The following NEDD4L variants were observed in gnomAD, a reference collection of about 807,000 sequenced individuals.
NEDD4L encodes E3 ubiquitin-protein ligase NEDD4-like.
NEDD4L carries 54 observed loss-of-function variants against 148.9 expected under a neutral mutation model. The ratio of observed to expected loss-of-function variants is 0.36; its 90% CI spans 0.29 to 0.45. NEDD4L has a LOEUF of 0.45. NEDD4L is among the 20% of genes least tolerant of loss of function. The pLI, the probability that NEDD4L is intolerant of heterozygous loss-of-function variation, is 1.00. For synonymous variants in NEDD4L, 433 were observed against 440.7 expected (o/e 0.98, Z 0.22); for missense variants, 856 against 1,233.8 (o/e 0.69, Z 4.59).
intron 5 of NEDD4L, among the ~76,000 whole-genome samples, chr18:58,307,499 G>T (rs953203227): frequency 1.3e-5 from 2 of 152,204 alleles, no homozygotes; most frequent in Non-Finnish European, 2.9e-5. Flanking sequence ...GCTGTTTAAT[G>T]GAGAGTTTAT....
rs146226299 is a variant in NEDD4L, at chr18:58,243,125, T to C, written c.123-2302T>C. ...TGAACCACCAGTGGAAGAATGTGGA[T>C]GTTCTATTACAGGAAATGCTTAGCT... On this transcript the variant is annotated intron_variant, in intron 2 of 30. Coordinates refer to ENST00000400345, the MANE Select transcript of NEDD4L (RefSeq NM_001144967.3). 4.5e-3 allele frequency among the ~76,000 whole-genome samples: 687 copies of C among 152,338 alleles called. 2 individuals are homozygous for C. Among genetic ancestry groups the C allele is most frequent in the African/African-American group, 0.014 (599 of 41,568 alleles).
At position 58,297,701 on chromosome 18, in the gene NEDD4L, C is replaced by T. The variant is rs75085131; in HGVS notation, c.298-18281C>T. ...GCAGATGTGATTAAATGAAGGGTCC[C>T]GGTATGGGGGGTTGTCCTGGATGAG... is the stretch of plus-strand genomic sequence containing the variant. On this transcript the variant is annotated intron_variant, in intron 5 of 30. Coordinates refer to ENST00000400345, the MANE Select transcript of NEDD4L (RefSeq NM_001144967.3). Among the ~76,000 whole-genome samples the T allele has an allele frequency of 7.4e-3, 1,129 of 152,202 alleles. 18 individuals carry two copies. The highest frequency in any genetic ancestry group is 0.026 in the African/African-American group (1,075 of 41,524).
At chr18:58,111,971 A>T (rs2085449040) in intron 1 of NEDD4L, among the ~76,000 whole-genome samples, 1 of 152,200 alleles carries the variant, frequency 6.6e-6, no homozygotes, top group Admixed American at 6.5e-5. Context: ...AGTGATAGCC[A>T]TCCTACTGGG....
chr18:58,176,272 C>T (rs1224993093), intron 2 of NEDD4L, among the ~76,000 whole-genome samples: 1 of 152,038 alleles, frequency 6.6e-6, no homozygotes, highest in Non-Finnish European at 1.5e-5. Flanking sequence ...TTCACTCTGT[C>T]GTCCTCTCTC....
chr18:58,077,753 C>T (rs1211995288), intron 1 of NEDD4L, among the ~76,000 whole-genome samples: 2 of 152,162 alleles, frequency 1.3e-5, no homozygotes, highest in African/African-American at 4.8e-5. Context: ...CAGAGGTGGG[C>T]AGTTATCTTT....
chr18:58,360,301 CTCTAAGTA>C (rs1262196878), intron 19 of NEDD4L, among the ~76,000 whole-genome samples: 2 of 152,186 alleles, frequency 1.3e-5, no homozygotes, highest in African/African-American at 2.4e-5. Flanking sequence ...TTCCGATTCT[CTCTAAGTA>C]TCTGTTTCTG....
intron 19 of NEDD4L, chr18:58,360,042 A>G (rs1395965929): frequency 1.3e-5 from 2 of 152,258 alleles, no homozygotes; most frequent in Non-Finnish European, 2.9e-5. Context: ...TCTGGCCTCC[A>G]TAAATGATGA....
chr18:58,072,906 A>AC (rs34222607), intron 1 of NEDD4L, among the ~76,000 whole-genome samples: 2 of 150,512 alleles, frequency 1.3e-5, no homozygotes, highest in African/African-American at 2.5e-5. Context: ...ACACACACAC[A>AC]AATCTTGAAC....
intron 1 of NEDD4L, among the ~76,000 whole-genome samples, chr18:58,074,986 G>A (rs544940215): frequency 1.5e-4 from 23 of 152,274 alleles, no homozygotes; most frequent in South Asian, 8.3e-4. Context: ...TGAAGAGTTG[G>A]ATGGACAGTG....
chr18:58,341,472 A>C (rs1381975461), intron 14 of NEDD4L, among the ~76,000 whole-genome samples: 2 of 152,166 alleles, frequency 1.3e-5, no homozygotes, highest in East Asian at 3.8e-4. Context: ...GCTAGTTTTT[A>C]TGCTGGGCTA....
chr18:58,364,441 T>C (rs1161459035), intron 20 of NEDD4L, 108 bp downstream of exon 20: 2 of 664,278 alleles, frequency 3.0e-6, no homozygotes, highest in Non-Finnish European at 5.2e-6. Context: ...ATGCTAAAAA[T>C]ATTACCTTCC....
chr18:58,192,622 A>G (rs7243662), intron 2 of NEDD4L, among the ~76,000 whole-genome samples: 53,660 of 151,964 alleles, frequency 0.35, 11,204 homozygotes, highest in African/African-American at 0.59. Flanking sequence ...TTACATGGTT[A>G]GTTTCCTACC....
intron 1 of NEDD4L, among the ~76,000 whole-genome samples, chr18:58,160,710 T>G (rs1347421271): frequency 6.6e-6 from 1 of 152,252 alleles, no homozygotes; most frequent in Non-Finnish European, 1.5e-5. Context: ...CACCTTGTCA[T>G]GTGCTTCCTA....
At chr18:58,243,055 G>A (rs1233488161) in intron 2 of NEDD4L, among the ~76,000 whole-genome samples, 1 of 152,220 alleles carries the variant, frequency 6.6e-6, no homozygotes, top group African/African-American at 2.4e-5. Context: ...CCAGCTGCAT[G>A]TGTCGATTAT....
chr18:58,047,712 C>A (rs756672613), intron 1 of NEDD4L, among the ~76,000 whole-genome samples: 1 of 152,188 alleles, frequency 6.6e-6, no homozygotes, highest in Non-Finnish European at 1.5e-5. Flanking sequence ...AACAAAACTT[C>A]TGATTCATGG....
At chr18:58,265,875 A>T (rs1188184164) in intron 5 of NEDD4L, among the ~76,000 whole-genome samples, 1 of 152,058 alleles carries the variant, frequency 6.6e-6, no homozygotes, top group East Asian at 1.9e-4. Context: ...AGTAGGCTTT[A>T]TTTATGGAGT....
intron 2 of NEDD4L, among the ~76,000 whole-genome samples, chr18:58,186,503 C>T (rs1297284476): frequency 6.6e-6 from 1 of 152,186 alleles, no homozygotes; most frequent in African/African-American, 2.4e-5. Context: ...TTTTCACACT[C>T]CCAGCAGATC....
At chr18:58,148,425 C>T (rs535146181) in intron 1 of NEDD4L, among the ~76,000 whole-genome samples, 3 of 152,292 alleles carry the variant, frequency 2.0e-5, no homozygotes, top group Admixed American at 6.5e-5. Context: ...CTCAGCCTCC[C>T]AAAGTGCTGG....
At chr18:58,064,797 G>A (rs978343377) in intron 1 of NEDD4L, among the ~76,000 whole-genome samples, 2 of 152,186 alleles carry the variant, frequency 1.3e-5, no homozygotes, top group African/African-American at 4.8e-5. Context: ...GCCAGGAGTG[G>A]TCTTAGCTCT....
Sources: allele counts gnomAD v4.1 joint callset (sites outside exome capture counted in the v4.1 genomes callset), GRCh38; gene constraint gnomAD v4.1.1; transcripts MANE v1.5; gene names NCBI Gene and HGNC (gene_info 2026-07-23, HGNC 2026-07-21).